Variants in HOGA1 observed in about 807,000 individuals in gnomAD.
The protein encoded by HOGA1 is 4-hydroxy-2-oxoglutarate aldolase 1.
HOGA1 carries 30 observed loss-of-function variants against 34.3 expected under a neutral mutation model. That is an observed-to-expected ratio of 0.87 (90% CI 0.65 to 1.19). HOGA1 has a LOEUF of 1.19. Among genes scored for constraint, HOGA1 ranks in the 50% most tolerant of loss-of-function variants. HOGA1 has a pLI of 0.00. For synonymous variants in HOGA1, 161 were observed against 174.0 expected (o/e 0.93, Z 0.59); for missense variants, 417 against 436.5 (o/e 0.96, Z 0.40).
At chr10:97,600,325 G>A (rs2135722727) in intron 5 of HOGA1, 162 bp downstream of exon 5, 1 of 686,382 alleles carries the variant, frequency 1.5e-6, no homozygotes, top group Non-Finnish European at 2.6e-6. Flanking sequence ...CCGCTTACCT[G>A]TCTGAATTCG....
At chr10:97,590,218 A>G (rs1211890510) in intron 1 of HOGA1, 1 of 1,613,864 alleles carries the variant, frequency 6.2e-7, no homozygotes. Flanking sequence ...CAGTGATCCA[A>G]GAGATCCACC....
intron 1 of HOGA1, among the ~76,000 whole-genome samples, chr10:97,588,677 G>C (rs2040991718): frequency 6.6e-6 from 1 of 152,190 alleles, no homozygotes. Flanking sequence ...GCAGGACTGG[G>C]AAGATGAGGT....
At chr10:97,599,953 G>A (rs2041103479) in intron 4 of HOGA1, 114 bp from the exon 5 acceptor site, 3 of 1,505,822 alleles carry the variant, frequency 2.0e-6, no homozygotes, top group Admixed American at 3.3e-5. Flanking sequence ...GGCTCTCTGG[G>A]ACTTTCTTGA....
chr10:97,598,957 T>C, intron 2 of HOGA1, 54 bp downstream of exon 2: 1 of 1,610,682 alleles, frequency 6.2e-7, no homozygotes, highest in Non-Finnish European at 8.5e-7. Flanking sequence ...GGATCCAGGC[T>C]CCTAGGCCCT....
intron 4 of HOGA1, 56 bp downstream of exon 4, chr10:97,599,870 A>G (rs2041102766): frequency 6.2e-7 from 1 of 1,612,784 alleles, no homozygotes; most frequent in Non-Finnish European, 8.5e-7. Flanking sequence ...GGGTCCTAGC[A>G]CTTTTGCTCC....
chr10:97,600,351 C>T (rs1260827846), intron 5 of HOGA1, 188 bp downstream of exon 5: 1 of 650,308 alleles, frequency 1.5e-6, no homozygotes, highest in Non-Finnish European at 2.8e-6. Context: ...CTGTGAGTAA[C>T]CTTGTTGGCT....
intron 5 of HOGA1, among the ~76,000 whole-genome samples, chr10:97,601,318 A>G (rs2041114743): frequency 6.6e-6 from 1 of 152,172 alleles, no homozygotes; most frequent in Admixed American, 6.5e-5. Flanking sequence ...CCCGATGGGC[A>G]CAAAGAGGAC....
chr10:97,606,331 A>C (rs1045972779), intron 6 of HOGA1, among the ~76,000 whole-genome samples: 8 of 151,988 alleles, frequency 5.3e-5, no homozygotes, highest in Admixed American at 6.6e-5. Context: ...AAGAGTTCTT[A>C]GAAGATCGTA....
chr10:97,606,128 C>CAAAAAA (rs60230634), intron 6 of HOGA1, among the ~76,000 whole-genome samples: 31 of 95,210 alleles, frequency 3.3e-4, no homozygotes, highest in African/African-American at 1.2e-3. Flanking sequence ...ACTAAAAATA[C>CAAAAAA]AAAAAAAAAA....
At position 97,599,695 on chromosome 10, in the gene HOGA1, C is replaced by T; in HGVS notation, c.484C>T (p.Pro162Ser). The T allele has an allele frequency of 6.2e-7, 1 of 1,614,162 alleles. No homozygotes were observed. The highest frequency in any genetic ancestry group is 8.5e-7 in the Non-Finnish European group (1 of 1,180,018). The change falls in exon 4 of 7, where the codon CCA (proline) becomes TCA (serine). Residue 162 changes from proline to serine, a missense_variant. Physicochemically the swap from Pro to Ser is moderately conservative, Grantham distance 74 (BLOSUM62 -1). Transcript: ENST00000370646. ...HHYTKVADLS[P>S]IPVVLYSVPA... ...CCCTCCCCAGGTTGCTGATCTCTCT[C>T]CAATCCCTGTGGTGCTGTACAGTGT... is the stretch of plus-strand genomic sequence containing the variant.
At chr10:97,591,817 T>TTGTGTGTGTGTGTG (rs56742680) in intron 1 of HOGA1, among the ~76,000 whole-genome samples, 18 of 111,074 alleles carry the variant, frequency 1.6e-4, no homozygotes, top group African/African-American at 3.3e-4. Context: ...TTCTTTCATT[T>TTGTGTGTGTGTGTG]TGTGTGTGTG....
intron 1 of HOGA1, among the ~76,000 whole-genome samples, chr10:97,593,302 C>A (rs937586140): frequency 6.6e-6 from 1 of 151,938 alleles, no homozygotes; most frequent in Non-Finnish European, 1.5e-5. Flanking sequence ...ATGGTGAAAT[C>A]CCATCTCTAC....
chr10:97,606,527 C>A (rs2041159624), intron 6 of HOGA1, among the ~76,000 whole-genome samples: 1 of 152,180 alleles, frequency 6.6e-6, no homozygotes, highest in East Asian at 1.9e-4. Flanking sequence ...CTCCATTGAA[C>A]TGCTTGCGTG....
rs547774667 is a variant in HOGA1, at chr10:97,603,692, A to G, written c.834+1702A>G. On this transcript the variant is annotated intron_variant, in intron 6 of 6. Coordinates refer to ENST00000370646, the MANE Select transcript of HOGA1 (RefSeq NM_138413.4). The surrounding 1 kb of genome is among the most constrained non-coding windows in gnomAD (Gnocchi z 4.5). Reference sequence around the variant, plus strand: ...ATTCTCCTGCCTCAGCCTCCCAAGTAGCTGGGATTACAGATGCCTGCCACC... The same window carrying G: ...ATTCTCCTGCCTCAGCCTCCCAAGTGGCTGGGATTACAGATGCCTGCCACC... Among the ~76,000 whole-genome samples, 6 of 152,112 alleles carry G rather than the reference A, an allele frequency of 3.9e-5. No individual in the cohort carries two copies. In the East Asian group the frequency reaches 1.2e-3, roughly 29 times the overall value.
rs749423744 is a variant in HOGA1 at position 97,589,917 on chromosome 10, AGAG to A, written c.211+5007_211+5009del. On this transcript the variant is annotated intron_variant, in intron 1 of 6. Transcript: ENST00000370646. ...GGTCTCATGCTGTGGGTTCAGAGAAAGAGGAGAAGAAAGGAAACCTCTGAGTGT... is the reference window on the plus strand; with the variant it reads ...GGTCTCATGCTGTGGGTTCAGAGAAAGAGAAGAAAGGAAACCTCTGAGTGT... 5.5e-5 allele frequency: 88 copies of A among 1,613,060 alleles called. No individual in the cohort carries two copies. In the African/African-American group the frequency reaches 1.1e-3, roughly 20 times the overall value.
intron 6 of HOGA1, among the ~76,000 whole-genome samples, chr10:97,608,547 G>C (rs777226093): frequency 6.6e-6 from 1 of 152,140 alleles, no homozygotes; most frequent in Non-Finnish European, 1.5e-5. Flanking sequence ...GCTCACGCCT[G>C]TAATCCCAGC....
chr10:97,589,492 G>A (rs558806863), intron 1 of HOGA1, among the ~76,000 whole-genome samples: 32 of 151,924 alleles, frequency 2.1e-4, no homozygotes, highest in Admixed American at 3.9e-4. Context: ...AAGGCAGAAG[G>A]ACTCAGAATT....
chr10:97,588,155 G>C (rs573348752), intron 1 of HOGA1, among the ~76,000 whole-genome samples: 19 of 149,064 alleles, frequency 1.3e-4, no homozygotes, highest in Middle Eastern at 3.5e-3. Context: ...TTGCTAATTT[G>C]TACTGATTAT....
At chr10:97,599,531 C>T (rs576547045) in intron 3 of HOGA1, 149 bp from the exon 4 acceptor site, 2 of 1,006,818 alleles carry the variant, frequency 2.0e-6, no homozygotes, top group East Asian at 2.4e-5. Flanking sequence ...ACTGTGATTG[C>T]TTACACTCGG....
Sources: gnomAD v4.1 joint callset for allele counts (sites outside exome capture counted in the v4.1 genomes callset) on GRCh38, gnomAD v4.1.1 for gene constraint, Gnocchi (gnomAD v3.1) non-coding constraint, MANE v1.5 for transcripts, NCBI Gene and HGNC (gene_info 2026-07-23, HGNC 2026-07-21) for gene names.